Variants in ATG4A observed in about 807,000 individuals in gnomAD.
The protein encoded by ATG4A is autophagy related 4A cysteine peptidase, also known as cysteine protease ATG4A.
In ATG4A, 22 loss-of-function variants were observed where a neutral mutation model predicts 38.4. The ratio of observed to expected loss-of-function variants is 0.57; its 90% CI spans 0.41 to 0.82. The LOEUF (loss-of-function observed/expected upper bound fraction) is 0.82, where lower values mean the gene tolerates loss of function less well. ATG4A is among the 40% of genes least tolerant of loss of function. The probability of loss-of-function intolerance (pLI) is 0.00; values close to 1 mark genes in which losing one functional copy is unlikely to be tolerated. For synonymous variants in ATG4A, 86 were observed against 100.7 expected, an observed-to-expected ratio of 0.85 and a Z score of 0.88; for missense variants, 220 against 290.0, an observed-to-expected ratio of 0.76 and a Z score of 1.75.
intron 9 of ATG4A, 81 bp downstream of exon 9, chrX:108,138,272 A>G (rs2033155687): frequency 3.3e-6 from 3 of 901,555 alleles, no homozygotes; most frequent in South Asian, 2.1e-5. Flanking sequence ...AGACCAGGCA[A>G]TTCCAGTTAG....
intron 3 of ATG4A, among the ~76,000 whole-genome samples, chrX:108,129,889 T>C (rs1056247311): frequency 9.7e-6 from 1 of 103,613 alleles, no homozygotes. Context: ...TTTTTTTTTT[T>C]ATTGCTCTCC....
At chrX:108,141,083 T>C (rs868215213) in intron 9 of ATG4A, among the ~76,000 whole-genome samples, 8 of 73,990 alleles carry the variant, frequency 1.1e-4, no homozygotes, top group Admixed American at 3.2e-4. Context: ...TATATATATA[T>C]ATATATATAT....
intron 4 of ATG4A, 126 bp downstream of exon 4, chrX:108,131,484 C>A: frequency 1.7e-6 from 1 of 604,701 alleles, no homozygotes; most frequent in Non-Finnish European, 2.5e-6. Flanking sequence ...AAAATGCTCT[C>A]TGCAAGCTCA....
intron 9 of ATG4A, among the ~76,000 whole-genome samples, chrX:108,141,340 C>T (rs1215426828): frequency 9.3e-6 from 1 of 107,937 alleles, no homozygotes; most frequent in Admixed American, 1.0e-4. Flanking sequence ...AATGGGTCAT[C>T]CTATCTACTT....
At chrX:108,112,430 C>T (rs1240903624) in intron 1 of ATG4A, among the ~76,000 whole-genome samples, 4 of 107,350 alleles carry the variant, frequency 3.7e-5, no homozygotes, top group Non-Finnish European at 7.7e-5. Flanking sequence ...CTTGCTCTGT[C>T]GCCCTGGCTG....
At chrX:108,091,661 G>A, upstream of ATG4A, 5 of 901,216 alleles carry the variant, frequency 5.5e-6, no homozygotes, top group Non-Finnish European at 6.4e-6. Flanking sequence ...GTCGCGCGGC[G>A]CCTCTGGGAG....
At chrX:108,104,180 T>C (rs952197580) in intron 1 of ATG4A, among the ~76,000 whole-genome samples, 1 of 112,675 alleles carries the variant, frequency 8.9e-6, no homozygotes, top group Non-Finnish European at 1.9e-5. Flanking sequence ...AAATTAAAAG[T>C]GATTTACCCA....
chrX:108,118,053 AG>A (rs1258929591), intron 1 of ATG4A, among the ~76,000 whole-genome samples: 1 of 112,702 alleles, frequency 8.9e-6, no homozygotes, highest in Non-Finnish European at 1.9e-5. Flanking sequence ...GGAAAAATCC[AG>A]ACACAGTATG....
At chrX:108,130,628 A>T (rs2032929494) in intron 3 of ATG4A, among the ~76,000 whole-genome samples, 1 of 112,231 alleles carries the variant, frequency 8.9e-6, no homozygotes, top group African/African-American at 3.2e-5. Flanking sequence ...CACTGATAGT[A>T]GGCAGAGTAT....
intron 9 of ATG4A, among the ~76,000 whole-genome samples, chrX:108,139,129 G>A (rs1377674241): frequency 1.8e-5 from 2 of 111,118 alleles, no homozygotes; most frequent in Non-Finnish European, 3.8e-5. Flanking sequence ...ATGAGGGCAC[G>A]TGCAAAGGAC....
At chrX:108,102,920 C>T (rs2032062070) in intron 1 of ATG4A, among the ~76,000 whole-genome samples, 1 of 109,116 alleles carries the variant, frequency 9.2e-6, no homozygotes, top group African/African-American at 3.4e-5. Flanking sequence ...ATTTGCTGTA[C>T]AGATCAACCC....
intron 1 of ATG4A, among the ~76,000 whole-genome samples, chrX:108,103,514 AT>A (rs1034615459): frequency 1.8e-5 from 2 of 111,671 alleles, no homozygotes; most frequent in African/African-American, 6.5e-5. Context: ...TATTATTGCA[AT>A]TTTGTTCATT....
intron 1 of ATG4A, among the ~76,000 whole-genome samples, chrX:108,093,951 A>G (rs1437612490): frequency 1.8e-5 from 2 of 111,747 alleles, no homozygotes; most frequent in Non-Finnish European, 3.8e-5. Flanking sequence ...GATGGTTTAT[A>G]TATTCTAGAT....
intron 1 of ATG4A, among the ~76,000 whole-genome samples, chrX:108,125,572 A>G (rs1237506904): frequency 8.9e-6 from 1 of 112,391 alleles, no homozygotes; most frequent in Non-Finnish European, 1.9e-5. Flanking sequence ...ATACTGTGAA[A>G]ACATCTGGCC....
chrX:108,118,035 A>G (rs967140179), intron 1 of ATG4A, among the ~76,000 whole-genome samples: 2 of 112,679 alleles, frequency 1.8e-5, no homozygotes, highest in Non-Finnish European at 3.8e-5. Context: ...CATTGCTTTC[A>G]GCTGTCTGGA....
intron 1 of ATG4A, among the ~76,000 whole-genome samples, chrX:108,115,875 T>A (rs969495169): frequency 8.9e-6 from 1 of 112,417 alleles, no homozygotes; most frequent in Non-Finnish European, 1.9e-5. Context: ...GAAGAGCCAC[T>A]ATTAGAGATT....
chrX:108,153,703 G>A lies in ATG4A; in HGVS notation c.1188G>A (p.Leu396=), dbSNP rs2033642442. 1 of 1,202,303 alleles carries A rather than the reference G, an allele frequency of 8.3e-7. No individual in the cohort carries two copies. Among genetic ancestry groups the A allele is most frequent in the South Asian group, 1.8e-5 (1 of 56,427 alleles). Residue 396 remains leucine (L), a synonymous_variant, in exon 13 of 13, where the codon CTG becomes CTA. Coordinates refer to ENST00000372232, the MANE Select transcript of ATG4A (RefSeq NM_052936.5). ...EFDLEEDFEI[L]SV ...ATCTGGAGGAAGATTTTGAGATTCT[G>A]AGTGTGTAGAATCCTGGGAACTCAA...
At chrX:108,114,876 T>C (rs953993959) in intron 1 of ATG4A, among the ~76,000 whole-genome samples, 14 of 112,049 alleles carry the variant, frequency 1.2e-4, no homozygotes, top group African/African-American at 4.6e-4. Flanking sequence ...CCTAATGACC[T>C]CTCAATTAAT....
chrX:108,138,272 A>C, intron 9 of ATG4A, 81 bp downstream of exon 9: 1 of 903,302 alleles, frequency 1.1e-6, no homozygotes, highest in African/African-American at 1.9e-5. Flanking sequence ...AGACCAGGCA[A>C]TTCCAGTTAG....
Sources: allele counts gnomAD v4.1 joint callset (sites outside exome capture counted in the v4.1 genomes callset), GRCh38; gene constraint gnomAD v4.1.1; transcripts MANE v1.5; gene names NCBI Gene and HGNC (gene_info 2026-07-23, HGNC 2026-07-21).